Variants in DCP1B observed in about 807,000 individuals in gnomAD.
DCP1B encodes the protein decapping mRNA 1B, also known as mRNA-decapping enzyme 1B.
In DCP1B, 47 loss-of-function variants were observed where a neutral mutation model predicts 60.5. The observed-to-expected ratio is 0.78, with a 90% CI of 0.61 to 0.99. DCP1B has a LOEUF of 0.99. Ranked by LOEUF, DCP1B falls within the 50% of genes least tolerant of loss-of-function variation. The pLI is 0.00. For missense variants in DCP1B, 725 were observed against 756.8 expected, an observed-to-expected ratio of 0.96 and a Z score of 0.49; for synonymous variants, 267 against 280.3, an observed-to-expected ratio of 0.95 and a Z score of 0.47.
chr12:1,993,218 C>A, intron 3 of DCP1B, 46 bp downstream of exon 3: 1 of 1,613,802 alleles, frequency 6.2e-7, no homozygotes, highest in Non-Finnish European at 8.5e-7. Flanking sequence ...AAACACTTGG[C>A]CAAACTTCAG....
intron 3 of DCP1B, among the ~76,000 whole-genome samples, chr12:1,969,099 A>G (rs965413141): frequency 6.6e-6 from 1 of 152,178 alleles, no homozygotes; most frequent in Non-Finnish European, 1.5e-5. Context: ...CCAACAAAAC[A>G]TGTTTTTACA....
intron 3 of DCP1B, among the ~76,000 whole-genome samples, chr12:1,988,056 C>T (rs901631175): frequency 1.1e-4 from 17 of 152,296 alleles, no homozygotes; most frequent in Non-Finnish European, 1.5e-4. Flanking sequence ...GGGGTCATTA[C>T]GGGACTCTTC....
At chr12:1,942,140 C>A (rs1414995482), downstream of DCP1B, among the ~76,000 whole-genome samples, 4 of 152,106 alleles carry the variant, frequency 2.6e-5, no homozygotes, top group Non-Finnish European at 5.9e-5. Flanking sequence ...AAGTTGCAAT[C>A]CTAGTCTCTG....
chr12:2,001,295 G>C (rs941780421), intron 1 of DCP1B, among the ~76,000 whole-genome samples: 1 of 152,046 alleles, frequency 6.6e-6, no homozygotes, highest in African/African-American at 2.4e-5. Context: ...ATGTTCCTTA[G>C]ATCCTTTAAG....
chr12:1,988,533 T>G (rs2038456438), intron 3 of DCP1B, among the ~76,000 whole-genome samples: 1 of 152,238 alleles, frequency 6.6e-6, no homozygotes, highest in Admixed American at 6.5e-5. Flanking sequence ...CGCTCATGTT[T>G]GTGAACAATA....
At chr12:2,000,328 G>C (rs1282334635) in intron 1 of DCP1B, among the ~76,000 whole-genome samples, 1 of 152,076 alleles carries the variant, frequency 6.6e-6, no homozygotes, top group Non-Finnish European at 1.5e-5. Context: ...ACACTCTCCT[G>C]GTCTTCCAGT....
intron 1 of DCP1B, among the ~76,000 whole-genome samples, chr12:2,000,820 T>C (rs1432281715): frequency 6.6e-6 from 1 of 152,246 alleles, no homozygotes; most frequent in East Asian, 1.9e-4. Context: ...GTGGATCACC[T>C]GAGGTCAGGA....
At chr12:1,942,524 T>G (rs1345731138), downstream of DCP1B, among the ~76,000 whole-genome samples, 1 of 152,188 alleles carries the variant, frequency 6.6e-6, no homozygotes. Flanking sequence ...ATTCTAAAAT[T>G]GACCACATAA....
chr12:1,993,627 G>GTGTGT (rs1555213621), intron 2 of DCP1B, among the ~76,000 whole-genome samples: 3 of 146,584 alleles, frequency 2.0e-5, no homozygotes, highest in African/African-American at 5.0e-5. Flanking sequence ...CTTCATTTGT[G>GTGTGT]GTGTGTGTGT....
At chr12:1,961,025 C>A (rs1227579554) in intron 5 of DCP1B, among the ~76,000 whole-genome samples, 1 of 152,212 alleles carries the variant, frequency 6.6e-6, no homozygotes, top group Non-Finnish European at 1.5e-5. Flanking sequence ...TCTTTCCAAA[C>A]ATAAGGCACT....
At chr12:1,977,440 C>T (rs1228876284) in intron 3 of DCP1B, among the ~76,000 whole-genome samples, 1 of 152,202 alleles carries the variant, frequency 6.6e-6, no homozygotes. Flanking sequence ...AAAGCTTTGT[C>T]TTATGCATTC....
intron 7 of DCP1B, among the ~76,000 whole-genome samples, chr12:1,950,678 A>G (rs763054546): frequency 6.6e-5 from 10 of 152,234 alleles, no homozygotes; most frequent in Admixed American, 3.3e-4. Flanking sequence ...ACAAGGTCTC[A>G]CTCTACTGCC....
intron 5 of DCP1B, among the ~76,000 whole-genome samples, chr12:1,958,456 C>G (rs537276179): frequency 7.1e-6 from 1 of 141,558 alleles, no homozygotes; most frequent in Non-Finnish European, 1.5e-5. Flanking sequence ...AGCTCCCTAA[C>G]GTCGCTCTGG....
rs1012042510 is a variant in DCP1B at position 1,948,809 on chromosome 12, G to A, written c.1773+277C>T. On this transcript the variant is annotated intron_variant, in intron 8 of 8. Coordinates refer to ENST00000280665, the MANE Select transcript of DCP1B (RefSeq NM_152640.5). The surrounding 1 kb of genome is among the most constrained non-coding windows in gnomAD (Gnocchi z 4.8). Reference sequence around the variant, plus strand: ...AGGGACTGCTTAATCCCCAGCATATGCTTCCTTCTCTTCTGACAGGTGACA... The same window carrying A: ...AGGGACTGCTTAATCCCCAGCATATACTTCCTTCTCTTCTGACAGGTGACA... Among the ~76,000 whole-genome samples, 14 of 152,218 alleles carry A rather than the reference G, an allele frequency of 9.2e-5. No homozygotes were observed. The highest frequency in any genetic ancestry group is 1.0e-4 in the Non-Finnish European group (7 of 68,040).
Position 1,965,643 on chromosome 12 carries a change from A to G in DCP1B, c.437T>C (p.Ile146Thr), listed in dbSNP as rs773861780. ...TCCTGAATTGAGGATCACTGGGGAA[A>G]TTCCTGCTCCAGTTCCCTGATGGGC... ...LKAHQGTGAG[I>T]SPVILNSGEG... Residue 146 changes from isoleucine (I) to threonine (T), a missense_variant, in exon 5 of 9, where the codon ATT becomes ACT. Transcript: ENST00000280665. The G allele has an allele frequency of 2.7e-5, 43 of 1,613,856 alleles. 1 individual carries two copies. In the South Asian group the frequency reaches 4.7e-4, roughly 18 times the overall value.
At chr12:1,965,393 C>A (rs907735480) in intron 5 of DCP1B, among the ~76,000 whole-genome samples, 165 bp downstream of exon 5, 5 of 152,086 alleles carry the variant, frequency 3.3e-5, no homozygotes, top group African/African-American at 7.2e-5. Flanking sequence ...AAACAGTTTT[C>A]TTCAGCTTAT....
chr12:1,950,596 CAG>C (rs1324906335), intron 7 of DCP1B, among the ~76,000 whole-genome samples: 1 of 152,178 alleles, frequency 6.6e-6, no homozygotes, highest in Non-Finnish European at 1.5e-5. Context: ...CACTTTGACT[CAG>C]GGGCTCACAA....
intron 4 of DCP1B, among the ~76,000 whole-genome samples, 162 bp downstream of exon 4, chr12:1,967,682 G>C (rs552286364): frequency 1.3e-5 from 2 of 152,194 alleles, no homozygotes; most frequent in Non-Finnish European, 2.9e-5. Flanking sequence ...TTGTTCTTAC[G>C]TCTAATTTTC....
chr12:1,968,352 CAAA>C (rs112698192), intron 3 of DCP1B, among the ~76,000 whole-genome samples: 9 of 91,060 alleles, frequency 9.9e-5, no homozygotes, highest in African/African-American at 1.1e-4. Flanking sequence ...AACTCTGTCT[CAAA>C]AAAAAAAAAA....
Sources: allele counts gnomAD v4.1 joint callset (sites outside exome capture counted in the v4.1 genomes callset), GRCh38; gene constraint gnomAD v4.1.1; non-coding constraint Gnocchi (gnomAD v3.1); transcripts MANE v1.5; gene names NCBI Gene and HGNC (gene_info 2026-07-23, HGNC 2026-07-21).